Variants in TET3 observed in about 807,000 individuals in gnomAD.
TET3 encodes the protein methylcytosine dioxygenase TET3.
A neutral mutation model predicts 141.4 loss-of-function variants in TET3; 19 were observed. The ratio of observed to expected loss-of-function variants is 0.13; its 90% confidence interval spans 0.09 to 0.20. The LOEUF is 0.20. TET3 is among the 10% of genes least tolerant of loss of function. TET3 has a pLI of 1.00. For missense variants in TET3, 1,874 were observed against 2,356.9 expected, an observed-to-expected ratio of 0.80 and a Z score of 4.24; for synonymous variants, 1,043 against 980.9, an observed-to-expected ratio of 1.06 and a Z score of -1.18.
the TET3 span, among the ~76,000 whole-genome samples, chr2:74,114,306 G>A: frequency 6.6e-6 from 1 of 152,058 alleles, no homozygotes; most frequent in Non-Finnish European, 1.5e-5. Flanking sequence ...GGACTCGGGG[G>A]GGAGGGCTGG....
Position 74,101,169 on chromosome 2 carries a change from T to C in TET3, c.4381T>C (p.Ser1461Pro), listed in dbSNP as rs1247657051. The C allele has an allele frequency of 1.2e-6, 2 of 1,613,758 alleles. No homozygotes were observed. The highest frequency in any genetic ancestry group is 1.7e-6 in the Non-Finnish European group (2 of 1,179,854). ...GGGTGGCAGCTGGGGTGTGTTCTCG[T>C]CTGGGGAGAGTCCTGCCATCGTCCC... is the stretch of plus-strand genomic sequence containing the variant. Reference protein sequence around the residue: ...GVGGSWGVFSSGESPAIVPDK... With the variant: ...GVGGSWGVFSPGESPAIVPDK... The change falls in exon 12 of 12, where the codon TCT becomes CCT. Residue 1461 changes from serine (S) to proline (P), a missense_variant. By Grantham distance (74) the Ser-to-Pro change is moderately conservative. This residue lies in a region of TET3 where 602 missense variants were observed against 590.2 expected (regional missense o/e 1.02). Coordinates refer to ENST00000409262, the MANE Select transcript of TET3 (RefSeq NM_001287491.2). This position sits in a 1 kb window ranked among gnomAD's most constrained non-coding sequence, Gnocchi z 8.5.
At chr2:74,024,514 G>A (rs572887149) in intron 3 of TET3, among the ~76,000 whole-genome samples, 2 of 152,198 alleles carry the variant, frequency 1.3e-5, no homozygotes, top group East Asian at 1.9e-4. Flanking sequence ...TCTGCTCTGC[G>A]GTGGTCATCC....
chr2:74,040,306 C>G (rs1032753269), intron 3 of TET3, among the ~76,000 whole-genome samples: 4 of 152,008 alleles, frequency 2.6e-5, no homozygotes, highest in African/African-American at 9.7e-5. Context: ...AAAGGACCGA[C>G]TGTCAGGTGA....
At chr2:73,991,824 AAAAAG>A (rs1307777636) in intron 2 of TET3, among the ~76,000 whole-genome samples, 1 of 151,608 alleles carries the variant, frequency 6.6e-6, no homozygotes, top group African/African-American at 2.4e-5. Flanking sequence ...AAAAAAAAAA[AAAAAG>A]AAGGAAACGC....
chr2:74,113,164 G>A (rs1691746285), downstream of TET3, among the ~76,000 whole-genome samples: 1 of 151,824 alleles, frequency 6.6e-6, no homozygotes, highest in Non-Finnish European at 1.5e-5. Flanking sequence ...GCCGAGGCAG[G>A]CAGATCACGA....
At chr2:74,116,617 G>A in the TET3 span, among the ~76,000 whole-genome samples, 1 of 150,690 alleles carries the variant, frequency 6.6e-6, no homozygotes, top group Non-Finnish European at 1.5e-5. Flanking sequence ...CCCAGGAGGT[G>A]GAGGTTGCAG....
chr2:74,126,500 ATTTTTTTT>A, the TET3 span, among the ~76,000 whole-genome samples: 1 of 120,984 alleles, frequency 8.3e-6, no homozygotes, highest in African/African-American at 3.3e-5. Flanking sequence ...TATTTGCTGG[ATTTTTTTT>A]TTTTTTTTTT....
At chr2:74,066,826 CTCTG>C (rs1313465722) in intron 4 of TET3, among the ~76,000 whole-genome samples, 1 of 152,142 alleles carries the variant, frequency 6.6e-6, no homozygotes, top group Non-Finnish European at 1.5e-5. Context: ...AATTTCCTTT[CTCTG>C]TCCTTAACCG....
intron 5 of TET3, among the ~76,000 whole-genome samples, chr2:74,075,618 C>T (rs974785337): frequency 1.3e-5 from 2 of 152,064 alleles, no homozygotes; most frequent in Admixed American, 6.5e-5. Context: ...TGTGAGCCAC[C>T]GTGCCTGGCA....
chr2:74,126,260 G>A, the TET3 span, among the ~76,000 whole-genome samples: 6 of 152,148 alleles, frequency 3.9e-5, no homozygotes, highest in Admixed American at 6.5e-5. Context: ...CTGTTTTAAT[G>A]CTGAAAAGAG....
At chr2:74,058,700 C>T (rs1009874963) in intron 4 of TET3, among the ~76,000 whole-genome samples, 1 of 151,966 alleles carries the variant, frequency 6.6e-6, no homozygotes, top group African/African-American at 2.4e-5. Context: ...AAAAGACACA[C>T]TCATGTAAAC....
At position 74,002,838 on chromosome 2, in the gene TET3, C is replaced by T. The variant is rs116606240; in HGVS notation, c.304-272C>T. 1,850 of 564,536 alleles carry T rather than the reference C, an allele frequency of 3.3e-3. 31 individuals are homozygous for T. The highest frequency in any genetic ancestry group is 0.03 in the African/African-American group (1,550 of 52,038). 35.0% of individuals were successfully genotyped at this position (564,536 alleles called of 1,614,324 possible). A position where few individuals can be genotyped will look rare whatever the true frequency, so the allele number is the denominator to read the frequency against. ...GGGGCCGGGGATGGCCGGGCGGACG[C>T]GGGCCGGGGGTCGCCGTCCTCTCGG... On this transcript the variant is annotated intron_variant, in intron 2 of 11. Transcript: ENST00000409262.
chr2:74,131,989 C>G, the TET3 span, among the ~76,000 whole-genome samples: 1 of 152,112 alleles, frequency 6.6e-6, no homozygotes, highest in Non-Finnish European at 1.5e-5. Flanking sequence ...CCGAAGAGTT[C>G]TCTGGTTGCG....
the TET3 span, among the ~76,000 whole-genome samples, chr2:74,116,594 A>T: frequency 4.0e-5 from 6 of 150,984 alleles, no homozygotes; most frequent in Non-Finnish European, 7.4e-5. Context: ...CTGAGGCACG[A>T]GAATTGCTTG....
At chr2:73,985,441 AGCGCGCCCCCCTCCCCGCGCCCCTCGGCG>A (rs1683967809) in intron 1 of TET3, among the ~76,000 whole-genome samples, 1 of 141,302 alleles carries the variant, frequency 7.1e-6, no homozygotes, top group South Asian at 2.2e-4. Context: ...CCGCGGCTCG[AGCGCGCCCCCCTCCCCGCGCCCCTCGGCG>A]GCGCGGGCCG....
chr2:74,110,191 T>G (rs1691668797), downstream of TET3, among the ~76,000 whole-genome samples: 1 of 152,092 alleles, frequency 6.6e-6, no homozygotes, highest in Admixed American at 6.5e-5. Context: ...CCAAATCAGG[T>G]CCACTAACTC....
chr2:74,100,352 T>G, intron 11 of TET3, 41 bp from the exon 12 acceptor site: 1 of 1,540,158 alleles, frequency 6.5e-7, no homozygotes. Context: ...CAGGCTGTGG[T>G]GTTGTCTGCC....
At chr2:74,080,975 G>C (rs1689788682) in intron 6 of TET3, among the ~76,000 whole-genome samples, 2 of 152,200 alleles carry the variant, frequency 1.3e-5, no homozygotes, top group Admixed American at 6.5e-5. Context: ...ACTGTGGACT[G>C]TCAGACTCCT....
At chr2:73,989,999 T>A (rs1055870737) in intron 2 of TET3, among the ~76,000 whole-genome samples, 2 of 152,150 alleles carry the variant, frequency 1.3e-5, no homozygotes, top group African/African-American at 4.8e-5. Context: ...GTCTGGCACA[T>A]AGTAGGTAAT....
Sources: gnomAD v4.1 joint callset for allele counts (sites outside exome capture counted in the v4.1 genomes callset) on GRCh38, gnomAD v4.1.1 for gene constraint, gnomAD v4.1.1 regional missense constraint, Gnocchi (gnomAD v3.1) non-coding constraint, MANE v1.5 for transcripts, NCBI Gene and HGNC (gene_info 2026-07-23, HGNC 2026-07-21) for gene names.